SOX6: variants seen among roughly 807,000 people sequenced by gnomAD.
SOX6 encodes the protein transcription factor SOX-6.
SOX6 carries 11 observed loss-of-function variants against 97.8 expected under a neutral mutation model. That is an observed-to-expected ratio of 0.11 (90% confidence interval 0.07 to 0.19). The LOEUF is 0.19. Among genes scored for constraint, SOX6 ranks in the 10% least tolerant of loss-of-function variants. The pLI is 1.00. For synonymous variants in SOX6, 360 were observed against 371.4 expected (o/e 0.97, Z 0.35); for missense variants, 810 against 1,039.5 (o/e 0.78, Z 3.04).
chr11:16,482,917 A>T (rs948804352), intron 4 of SOX6, among the ~76,000 whole-genome samples: 4 of 152,208 alleles, frequency 2.6e-5, no homozygotes, highest in Admixed American at 6.5e-5. Flanking sequence ...AATAATAAAG[A>T]ATTCAATGAC....
chr11:16,027,134 A>C (rs1855236477), intron 12 of SOX6, among the ~76,000 whole-genome samples: 1 of 152,206 alleles, frequency 6.6e-6, no homozygotes, highest in Admixed American at 6.5e-5. Context: ...AAGAATTCCC[A>C]AATGTAACGA....
At chr11:16,575,776 G>C (rs1305071823) in intron 4 of SOX6, among the ~76,000 whole-genome samples, 1 of 152,182 alleles carries the variant, frequency 6.6e-6, no homozygotes, top group Non-Finnish European at 1.5e-5. Flanking sequence ...ATACCAACAG[G>C]GAGTATGGGG....
At chr11:16,381,976 A>G (rs1857836109) in intron 1 of SOX6, among the ~76,000 whole-genome samples, 1 of 152,036 alleles carries the variant, frequency 6.6e-6, no homozygotes, top group African/African-American at 2.4e-5. Context: ...GTTCTAATCA[A>G]AGTCTGGTAA....
At chr11:16,458,402 C>A (rs1240148087) in intron 1 of SOX6, among the ~76,000 whole-genome samples, 2 of 66,756 alleles carry the variant, frequency 3.0e-5, no homozygotes, top group African/African-American at 1.2e-4. Flanking sequence ...TACTTTGTAC[C>A]CACAAAAATT....
intron 4 of SOX6, among the ~76,000 whole-genome samples, chr11:16,590,738 T>C (rs1554976514): frequency 1.3e-5 from 2 of 149,674 alleles, no homozygotes; most frequent in Non-Finnish European, 3.0e-5. Context: ...TGTGAGAGCT[T>C]AAAAAAAAAA....
chr11:16,368,633 T>A (rs950196239), intron 1 of SOX6, among the ~76,000 whole-genome samples: 1 of 152,116 alleles, frequency 6.6e-6, no homozygotes, highest in Non-Finnish European at 1.5e-5. Flanking sequence ...AAACAAAAGC[T>A]AAATCTATAA....
At chr11:16,084,178 C>T (rs1244958618) in intron 9 of SOX6, among the ~76,000 whole-genome samples, 1 of 152,174 alleles carries the variant, frequency 6.6e-6, no homozygotes, top group East Asian at 1.9e-4. Flanking sequence ...TACACAATCA[C>T]CTTGGGCAAT....
intron 3 of SOX6, among the ~76,000 whole-genome samples, chr11:16,673,513 T>G (rs1289215753): frequency 1.3e-5 from 2 of 151,240 alleles, no homozygotes; most frequent in African/African-American, 2.5e-5. Flanking sequence ...CCAAAAGAAA[T>G]AAATAAATTC....
intron 10 of SOX6, among the ~76,000 whole-genome samples, chr11:16,052,675 T>C (rs1481663965): frequency 6.6e-6 from 1 of 152,230 alleles, no homozygotes; most frequent in Admixed American, 6.5e-5. Context: ...AATTTTACCT[T>C]CTGGAGTGAC....
chr11:16,098,050 G>C (rs182933600), intron 7 of SOX6, among the ~76,000 whole-genome samples: 2 of 151,892 alleles, frequency 1.3e-5, no homozygotes, highest in East Asian at 3.9e-4. Context: ...TTTTATATTA[G>C]AACAACAAAA....
chr11:16,699,782 A>G lies in SOX6; in HGVS notation n.429+15048T>C, dbSNP rs147444145. ...ATTATGAGATCCTGCTTTAACTGCT[A>G]TAATTGCTGTCCTATAATTGCTCTT... On this transcript the variant is annotated intron_variant and non_coding_transcript_variant, in intron 3 of 5. Transcript: ENST00000524520. Among the ~76,000 whole-genome samples the G allele has an allele frequency of 2.0e-3, 303 of 152,310 alleles. 1 individual carries two copies. Among genetic ancestry groups the G allele is most frequent in the Non-Finnish European group, 3.8e-3 (257 of 68,014 alleles).
intron 4 of SOX6, among the ~76,000 whole-genome samples, chr11:16,531,313 C>T (rs1259843487): frequency 1.3e-5 from 2 of 151,436 alleles, no homozygotes; most frequent in Admixed American, 1.3e-4. Flanking sequence ...AAGTAGCTAT[C>T]CAGTATTAAA....
chr11:16,553,392 C>A (rs998341011), intron 4 of SOX6, among the ~76,000 whole-genome samples: 20 of 152,130 alleles, frequency 1.3e-4, no homozygotes, highest in African/African-American at 4.8e-4. Context: ...AATTGACAGG[C>A]AGGTTAATTA....
chr11:16,103,390 T>C (rs190201398), intron 7 of SOX6, among the ~76,000 whole-genome samples: 5 of 151,834 alleles, frequency 3.3e-5, no homozygotes, highest in Non-Finnish European at 7.4e-5. Flanking sequence ...GGCGTGGATG[T>C]GGTGAAAAGG....
intron 12 of SOX6, among the ~76,000 whole-genome samples, chr11:16,038,270 C>T (rs779927092): frequency 1.6e-4 from 24 of 151,978 alleles, no homozygotes; most frequent in Non-Finnish European, 2.2e-4. Flanking sequence ...AGAGTATTGA[C>T]GGATGATTGT....
At chr11:16,187,004 C>G (rs773725526) in intron 4 of SOX6, 49 bp from the exon 5 acceptor site, 3 of 1,604,930 alleles carry the variant, frequency 1.9e-6, no homozygotes, top group Admixed American at 3.3e-5. Flanking sequence ...AATACCTGGA[C>G]GAATAAGGGA....
At chr11:16,122,979 G>C (rs540947447) in intron 6 of SOX6, among the ~76,000 whole-genome samples, 28 of 152,020 alleles carry the variant, frequency 1.8e-4, no homozygotes, top group African/African-American at 6.5e-4. Flanking sequence ...CCCTGCTGTG[G>C]TCTAACTTTA....
chr11:16,388,026 G>C (rs1274217586), intron 1 of SOX6, among the ~76,000 whole-genome samples: 1 of 152,086 alleles, frequency 6.6e-6, no homozygotes, highest in East Asian at 1.9e-4. Flanking sequence ...CCTATCTTGG[G>C]AAGAAAGCAT....
rs187133920 is a variant in SOX6, at chr11:16,171,899, G to A, written c.777+11987C>T. On this transcript the variant is annotated intron_variant, in intron 6 of 15. Transcript: ENST00000683767. The stretch of plus-strand genomic sequence containing the variant: ...TTTAAATCCTGCGACCCAATAAATT[G>A]TAGTTGGAAAATGTACTGGGACTAG... Among the ~76,000 whole-genome samples the A allele has an allele frequency of 3.9e-5, 6 of 151,902 alleles. No individual in the cohort carries two copies. In the East Asian group the frequency reaches 9.7e-4, roughly 25 times the overall value.
Sources: gnomAD v4.1 joint callset for allele counts (sites outside exome capture counted in the v4.1 genomes callset) on GRCh38, gnomAD v4.1.1 for gene constraint, MANE v1.5 for transcripts, NCBI Gene and HGNC (gene_info 2026-07-23, HGNC 2026-07-21) for gene names.